The following VWC2L variants were observed in gnomAD, a reference collection of about 807,000 sequenced individuals.
The protein encoded by VWC2L is von Willebrand factor C domain containing 2 like.
A neutral mutation model predicts 21.6 loss-of-function variants in VWC2L; 10 were observed. The observed-to-expected ratio is 0.46, with a 90% CI of 0.29 to 0.78. The LOEUF is 0.78. Among genes scored for constraint, VWC2L ranks in the 30% least tolerant of loss-of-function variants. The pLI, the probability that VWC2L is intolerant of heterozygous loss-of-function variation, is 0.10. For missense variants in VWC2L, 209 were observed against 277.1 expected (o/e 0.75, Z 1.74); for synonymous variants, 96 against 94.3 (o/e 1.02, Z -0.10).
At chr2:214,538,926 T>C (rs1689583563) in intron 3 of VWC2L, among the ~76,000 whole-genome samples, 1 of 152,048 alleles carries the variant, frequency 6.6e-6, no homozygotes, top group Admixed American at 6.6e-5. Context: ...TTTGCAAAAC[T>C]CACATTAAAA....
intron 3 of VWC2L, among the ~76,000 whole-genome samples, chr2:214,459,499 T>C (rs2126187931): frequency 6.6e-6 from 1 of 152,376 alleles, no homozygotes; most frequent in Middle Eastern, 3.4e-3. Flanking sequence ...TGGTTTTCTG[T>C]AGCAGTAACA....
At chr2:214,534,942 G>A (rs1689502610) in intron 3 of VWC2L, among the ~76,000 whole-genome samples, 1 of 152,048 alleles carries the variant, frequency 6.6e-6, no homozygotes, top group African/African-American at 2.4e-5. Flanking sequence ...TTTCCAGTGG[G>A]CCTTAGGAAA....
At chr2:214,498,168 A>G (rs1688837705) in intron 3 of VWC2L, among the ~76,000 whole-genome samples, 1 of 152,144 alleles carries the variant, frequency 6.6e-6, no homozygotes, top group Non-Finnish European at 1.5e-5. Context: ...TTATCACTCC[A>G]CCCACCTTTG....
intron 3 of VWC2L, among the ~76,000 whole-genome samples, chr2:214,478,435 C>T (rs576020369): frequency 2.0e-5 from 3 of 150,854 alleles, no homozygotes; most frequent in Admixed American, 1.3e-4. Context: ...GCGGAGATCG[C>T]GCCACTGCAC....
chr2:214,493,947 A>G (rs1688778190), intron 3 of VWC2L, among the ~76,000 whole-genome samples: 1 of 152,160 alleles, frequency 6.6e-6, no homozygotes, highest in Non-Finnish European at 1.5e-5. Flanking sequence ...ACTGTCATCT[A>G]TTTCTTCCAT....
intron 3 of VWC2L, among the ~76,000 whole-genome samples, chr2:214,439,127 G>A (rs1015305671): frequency 1.3e-5 from 2 of 151,966 alleles, no homozygotes; most frequent in African/African-American, 4.8e-5. Flanking sequence ...AGTATATCAA[G>A]AACCAATGAA....
chr2:214,472,938 T>C (rs1703330954), intron 3 of VWC2L, among the ~76,000 whole-genome samples: 2 of 152,234 alleles, frequency 1.3e-5, no homozygotes, highest in African/African-American at 4.8e-5. Flanking sequence ...ATATGTCTCA[T>C]ATGTAATCAC....
intron 2 of VWC2L, among the ~76,000 whole-genome samples, chr2:214,418,291 AAC>A (rs1702385764): frequency 6.6e-6 from 1 of 152,182 alleles, no homozygotes; most frequent in Non-Finnish European, 1.5e-5. Flanking sequence ...ATTTTACAAT[AAC>A]ACTGTGAGAA....
intron 3 of VWC2L, among the ~76,000 whole-genome samples, chr2:214,451,683 GA>G (rs924951180): frequency 1.3e-5 from 2 of 152,132 alleles, no homozygotes; most frequent in African/African-American, 4.8e-5. Context: ...GCACAATAAT[GA>G]AAGGAAAGGC....
chr2:214,432,692 G>T (rs1702617831), intron 2 of VWC2L, among the ~76,000 whole-genome samples: 1 of 151,948 alleles, frequency 6.6e-6, no homozygotes, highest in South Asian at 2.1e-4. Context: ...TCTAATCTAG[G>T]GCCAGCTGGG....
intron 2 of VWC2L, among the ~76,000 whole-genome samples, chr2:214,426,629 G>A (rs749665322): frequency 1.3e-5 from 2 of 152,188 alleles, no homozygotes; most frequent in African/African-American, 2.4e-5. Context: ...AGAGAAATTT[G>A]TGCCTTTGTC....
At chr2:214,441,911 G>A (rs1183243648) in intron 3 of VWC2L, among the ~76,000 whole-genome samples, 1 of 150,026 alleles carries the variant, frequency 6.7e-6, no homozygotes, top group Non-Finnish European at 1.5e-5. Context: ...TTTTAAATAA[G>A]ATACCTTTTT....
intron 3 of VWC2L, among the ~76,000 whole-genome samples, chr2:214,493,418 T>C (rs1259620706): frequency 6.6e-6 from 1 of 152,222 alleles, no homozygotes; most frequent in East Asian, 1.9e-4. Context: ...GGTAAAATTT[T>C]ATGCATGGCT....
At chr2:214,535,336 CTT>C (rs1689508993) in intron 3 of VWC2L, among the ~76,000 whole-genome samples, 2 of 152,036 alleles carry the variant, frequency 1.3e-5, no homozygotes, top group Admixed American at 1.3e-4. Context: ...ACTAAAGAAA[CTT>C]TTTGTTAAAG....
At chr2:214,418,677 A>G (rs1044867588) in intron 2 of VWC2L, among the ~76,000 whole-genome samples, 3 of 152,162 alleles carry the variant, frequency 2.0e-5, no homozygotes, top group African/African-American at 7.2e-5. Flanking sequence ...TGAATAGCAT[A>G]CCAGGTCAAA....
At chr2:214,463,417 C>G (rs1461496769) in intron 3 of VWC2L, among the ~76,000 whole-genome samples, 1 of 152,124 alleles carries the variant, frequency 6.6e-6, no homozygotes, top group African/African-American at 2.4e-5. Context: ...GCCATTCCAT[C>G]TTTTCCTTGT....
At position 214,493,749 on chromosome 2, in the gene VWC2L, G is replaced by A. The variant is rs182009142; in HGVS notation, c.520+56991G>A. 1.4e-4 allele frequency among the ~76,000 whole-genome samples: 21 copies of A among 152,278 alleles called. No homozygotes were observed. The East Asian group carries it at 3.9e-3, about 28-fold the overall frequency. ...CTATCAACTGTCCATCTAAGGTACT[G>A]GGGAGGCAGAGTGTGTGGAGAGTCA... On this transcript the variant is annotated intron_variant, in intron 3 of 3. Coordinates refer to ENST00000312504, the MANE Select transcript of VWC2L (RefSeq NM_001080500.4).
chr2:214,539,292 A>G (rs1216606857), intron 3 of VWC2L, among the ~76,000 whole-genome samples: 1 of 152,190 alleles, frequency 6.6e-6, no homozygotes, highest in Admixed American at 6.6e-5. Context: ...TGTTCGATTC[A>G]ATCACAGAAA....
At chr2:214,460,796 ATT>A (rs1378366021) in intron 3 of VWC2L, among the ~76,000 whole-genome samples, 2 of 146,648 alleles carry the variant, frequency 1.4e-5, no homozygotes, top group African/African-American at 2.5e-5. Flanking sequence ...CTGGTGAATT[ATT>A]GTGTTTTTTT....
Sources: allele counts gnomAD v4.1 joint callset (sites outside exome capture counted in the v4.1 genomes callset), GRCh38; gene constraint gnomAD v4.1.1; transcripts MANE v1.5; gene names NCBI Gene and HGNC (gene_info 2026-07-23, HGNC 2026-07-21).